OSBPL3: variants seen among roughly 807,000 people sequenced by gnomAD.
The protein encoded by OSBPL3 is oxysterol-binding protein-related protein 3.
Under a neutral mutation model 120.1 loss-of-function variants are expected in OSBPL3, and 65 were observed. The observed-to-expected ratio is 0.54, with a 90% confidence interval of 0.44 to 0.67. The LOEUF is 0.67. Ranked by LOEUF, OSBPL3 falls within the 30% of genes least tolerant of loss-of-function variation. The probability of loss-of-function intolerance (pLI) is 0.00; values close to 1 mark genes in which losing one functional copy is unlikely to be tolerated. For missense variants in OSBPL3, 1,004 were observed against 1,082.1 expected (o/e 0.93, Z 1.01); for synonymous variants, 416 against 402.6 (o/e 1.03, Z -0.40).
At chr7:24,978,734 C>T (rs1380500861) in intron 1 of OSBPL3, among the ~76,000 whole-genome samples, 1 of 152,158 alleles carries the variant, frequency 6.6e-6, no homozygotes, top group Admixed American at 6.5e-5. Context: ...TTCTAAATGC[C>T]CTCATCCCAA....
At chr7:24,816,359 G>A (rs1794461545) in intron 18 of OSBPL3, among the ~76,000 whole-genome samples, 1 of 152,144 alleles carries the variant, frequency 6.6e-6, no homozygotes, top group African/African-American at 2.4e-5. Context: ...GTTAGGAAGT[G>A]GAAATGAGTT....
intron 13 of OSBPL3, among the ~76,000 whole-genome samples, chr7:24,841,432 C>T (rs181606184): frequency 2.4e-4 from 36 of 151,786 alleles, no homozygotes; most frequent in Admixed American, 2.0e-3. Flanking sequence ...TTAACCTGTA[C>T]TTGAAAAGAA....
rs1028649834 is a variant in OSBPL3 at position 24,799,955 on chromosome 7, T to A, written c.*228A>T. The A allele has an allele frequency of 8.5e-6, 2 of 234,436 alleles. No homozygotes were observed. Among genetic ancestry groups the A allele is most frequent in the African/African-American group, 4.5e-5 (2 of 44,306 alleles). The allele number at this position is 234,436 out of a possible 1,614,324, so 14.5% of individuals were successfully genotyped here. ...TTTCATTTTTATTAAATAGTTTATA[T>A]ATAAAAAGAAATGTCAAGGTGTTCT... On this transcript the variant is annotated 3_prime_UTR_variant, in exon 23 of 23. Transcript: ENST00000313367. This position sits in a 1 kb window ranked among gnomAD's most constrained non-coding sequence, Gnocchi z 5.3.
In OSBPL3 at chr7:24,863,371, C is replaced by T; in HGVS notation, c.778-79G>A. 7.2e-7 allele frequency: 1 copy of T among 1,384,760 alleles called. No individual in the cohort carries two copies. The highest frequency in any genetic ancestry group is 1.7e-5 in the Admixed American group (1 of 59,652). The allele number at this position is 1,384,760 out of a possible 1,614,324, so 85.8% of individuals were successfully genotyped here. On this transcript the variant is annotated intron_variant, in intron 8 of 22. Coordinates refer to ENST00000313367, the MANE Select transcript of OSBPL3 (RefSeq NM_015550.4). This position sits in a 1 kb window ranked among gnomAD's most constrained non-coding sequence, Gnocchi z 5.8. ...AAGGATAAATGCATAGCAAAGTGAC[C>T]ACCTCCATCCCCTTGACTTTGGCTG...
intron 1 of OSBPL3, among the ~76,000 whole-genome samples, chr7:24,902,352 AAACTT>A (rs1242210834): frequency 3.3e-5 from 5 of 152,194 alleles, no homozygotes; most frequent in African/African-American, 1.2e-4. Context: ...GGGTTTTTTT[AAACTT>A]AACTTCTTTC....
In OSBPL3 at chr7:24,862,849, G is replaced by T. The variant is rs1359959565; in HGVS notation, c.870+351C>A. ...CGGAAGACACAGGTCACAGCACACA[G>T]CAACTGCAGCCACAAAACAAGGCAC... On this transcript the variant is annotated intron_variant, in intron 9 of 22. Coordinates refer to ENST00000313367, the MANE Select transcript of OSBPL3 (RefSeq NM_015550.4). The surrounding 1 kb of genome is among the most constrained non-coding windows in gnomAD (Gnocchi z 4.4). 6.6e-6 allele frequency among the ~76,000 whole-genome samples: 1 copy of T among 152,120 alleles called. No homozygotes were observed. Among genetic ancestry groups the T allele is most frequent in the East Asian group, 1.9e-4 (1 of 5,176 alleles).
intron 16 of OSBPL3, among the ~76,000 whole-genome samples, chr7:24,829,918 A>G (rs1441880486): frequency 1.3e-5 from 2 of 152,208 alleles, no homozygotes; most frequent in African/African-American, 4.8e-5. Context: ...TATAACATGT[A>G]TCTTCATGTC....
In OSBPL3 at chr7:24,959,856, A is replaced by T. The variant is rs1298967552; in HGVS notation, c.-150+20030T>A. ...TTGACCAAAGAGCCTACCACTGAAA[A>T]CCGAACTTGAACAAAAAAGAATTTT... On this transcript the variant is annotated intron_variant, in intron 1 of 22. Coordinates refer to ENST00000313367, the MANE Select transcript of OSBPL3 (RefSeq NM_015550.4). The surrounding 1 kb of genome is among the most constrained non-coding windows in gnomAD (Gnocchi z 4.3). Among the ~76,000 whole-genome samples the T allele has an allele frequency of 6.6e-6, 1 of 152,146 alleles. No individual in the cohort carries two copies. The highest frequency in any genetic ancestry group is 2.4e-5 in the African/African-American group (1 of 41,452).
intron 1 of OSBPL3, among the ~76,000 whole-genome samples, chr7:24,902,849 A>G (rs1807267098): frequency 6.6e-6 from 1 of 152,088 alleles, no homozygotes; most frequent in African/African-American, 2.4e-5. Flanking sequence ...CAGAGGGTCA[A>G]ATTGATGGCT....
At position 24,972,828 on chromosome 7, in the gene OSBPL3, G is replaced by C. The variant is rs1456455258; in HGVS notation, c.-150+7058C>G. ...GTCCACCACAAATTACTTGGGGAGGGAGAAATATTTGTTTTATAAGATGTA... is the reference window on the plus strand; with the variant it reads ...GTCCACCACAAATTACTTGGGGAGGCAGAAATATTTGTTTTATAAGATGTA... On this transcript the variant is annotated intron_variant, in intron 1 of 22. Coordinates refer to ENST00000313367, the MANE Select transcript of OSBPL3 (RefSeq NM_015550.4). The surrounding 1 kb of genome is among the most constrained non-coding windows in gnomAD (Gnocchi z 4.3). Among the ~76,000 whole-genome samples, 1 of 152,100 alleles carries C rather than the reference G, an allele frequency of 6.6e-6. No individual in the cohort carries two copies. Among genetic ancestry groups the C allele is most frequent in the African/African-American group, 2.4e-5 (1 of 41,412 alleles).
At chr7:24,920,969 T>C (rs980281094) in intron 1 of OSBPL3, among the ~76,000 whole-genome samples, 11 of 152,322 alleles carry the variant, frequency 7.2e-5, no homozygotes, top group East Asian at 5.8e-4. Context: ...TATCCAGTAA[T>C]GAACCTGGGG....
At position 24,800,123 on chromosome 7, in the gene OSBPL3, G is replaced by T; in HGVS notation, c.*60C>A. The T allele has an allele frequency of 1.1e-6, 1 of 911,182 alleles. No homozygotes were observed. The highest frequency in any genetic ancestry group is 1.8e-6 in the Non-Finnish European group (1 of 547,004). The allele number at this position is 911,182 out of a possible 1,614,324, so 56.4% of individuals were successfully genotyped here. ...TTTAAATATATAAACACAGGTTTGT[G>T]CCACTTCAGAAGGCAAGCACAGGAG... On this transcript the variant is annotated 3_prime_UTR_variant, in exon 23 of 23. Transcript: ENST00000313367.
intron 1 of OSBPL3, among the ~76,000 whole-genome samples, chr7:24,893,417 TG>T (rs780695191): frequency 6.6e-6 from 1 of 152,192 alleles, no homozygotes; most frequent in Non-Finnish European, 1.5e-5. Context: ...TATCCAGAGT[TG>T]GCAAATCCAT....
chr7:24,867,024 A>T lies in OSBPL3; in HGVS notation c.382-787T>A, dbSNP rs949131994. On this transcript the variant is annotated intron_variant, in intron 5 of 22. Coordinates refer to ENST00000313367, the MANE Select transcript of OSBPL3 (RefSeq NM_015550.4). The surrounding 1 kb of genome is among the most constrained non-coding windows in gnomAD (Gnocchi z 4.5). ...ACCATGTTGGCCAGGCTGGTCTCGA[A>T]CTCCTGACCTGGTGATCTGCCCGCC... 2.0e-5 allele frequency among the ~76,000 whole-genome samples: 3 copies of T among 151,974 alleles called. No individual in the cohort carries two copies. The highest frequency in any genetic ancestry group is 4.4e-5 in the Non-Finnish European group (3 of 67,970).
In OSBPL3 at chr7:24,972,337, T is replaced by G. The variant is rs1318849757; in HGVS notation, c.-150+7549A>C. On this transcript the variant is annotated intron_variant, in intron 1 of 22. Transcript: ENST00000313367. This position sits in a 1 kb window ranked among gnomAD's most constrained non-coding sequence, Gnocchi z 4.3. ...TGCTCATCTCATCCTCCTTTGAGGA[T>G]TCCCCAGCCACATTCTCTTTTCTCT... Among the ~76,000 whole-genome samples the G allele has an allele frequency of 6.6e-6, 1 of 152,182 alleles. No individual in the cohort carries two copies. Among genetic ancestry groups the G allele is most frequent in the Non-Finnish European group, 1.5e-5 (1 of 68,026 alleles).
At position 24,852,757 on chromosome 7, in the gene OSBPL3, G is replaced by C; in HGVS notation, c.1028-123C>G. ...AACAGCCCTGAATATTTTGAGTATA[G>C]CAAATGTACATTCTACCTTGACTTT... is the stretch of plus-strand genomic sequence containing the variant. On this transcript the variant is annotated intron_variant, in intron 10 of 22. Transcript: ENST00000313367. This position sits in a 1 kb window ranked among gnomAD's most constrained non-coding sequence, Gnocchi z 4.1. The C allele has an allele frequency of 1.6e-6, 1 of 637,980 alleles. No individual in the cohort carries two copies. The highest frequency in any genetic ancestry group is 2.5e-6 in the Non-Finnish European group (1 of 395,250). 39.5% of individuals were successfully genotyped at this position (637,980 alleles called of 1,614,324 possible).
chr7:24,806,662 C>CT lies in OSBPL3; in HGVS notation c.2444+113dup. The CT allele has an allele frequency of 1.1e-6, 1 of 931,926 alleles. No homozygotes were observed. Among genetic ancestry groups the CT allele is most frequent in the Non-Finnish European group, 1.6e-6 (1 of 620,034 alleles). 57.7% of individuals were successfully genotyped at this position (931,926 alleles called of 1,614,324 possible). On this transcript the variant is annotated intron_variant, in intron 21 of 22. Transcript: ENST00000313367. The surrounding 1 kb of genome is among the most constrained non-coding windows in gnomAD (Gnocchi z 5.2). Reference sequence around the variant, plus strand: ...TTAAAGCATCCCCACCTCTCAATTCCTGATGACATTTTCCACCTTTCTCAG... The same window carrying CT: ...TTAAAGCATCCCCACCTCTCAATTCCTTGATGACATTTTCCACCTTTCTCAG...
rs766792402 is a variant in OSBPL3 at position 24,815,091 on chromosome 7, C to T, written c.2140G>A (p.Asp714Asn). Residue 714 changes from aspartate to asparagine, a missense_variant, in exon 19 of 23, where the codon GAT (aspartate) becomes AAT (asparagine). Asp to Asn is a conservative substitution (Grantham distance 23). Coordinates refer to ENST00000313367, the MANE Select transcript of OSBPL3 (RefSeq NM_015550.4). The surrounding 1 kb of genome is among the most constrained non-coding windows in gnomAD (Gnocchi z 5.1). Reference sequence around the variant, plus strand: ...AAATTCACTTTGCAGTAGCAGGAATCATCATGCAGGTTCTTGATGACAATC... The same window carrying T: ...AAATTCACTTTGCAGTAGCAGGAATTATCATGCAGGTTCTTGATGACAATC... ...GEIVIKNLHD[D>N]SCYCKVNFIK... 9 of 1,613,666 alleles carry T rather than the reference C, an allele frequency of 5.6e-6. No homozygotes were observed. In the Admixed American group the frequency reaches 1.5e-4, roughly 27 times the overall value.
chr7:24,923,362 C>A (rs1810639546), intron 1 of OSBPL3, among the ~76,000 whole-genome samples: 1 of 152,170 alleles, frequency 6.6e-6, no homozygotes, highest in South Asian at 2.1e-4. Context: ...CTGGAGTAAC[C>A]CCAACAAAGG....
Sources: gnomAD v4.1 joint callset for allele counts (sites outside exome capture counted in the v4.1 genomes callset) on GRCh38, gnomAD v4.1.1 for gene constraint, Gnocchi (gnomAD v3.1) non-coding constraint, MANE v1.5 for transcripts, NCBI Gene and HGNC (gene_info 2026-07-23, HGNC 2026-07-21) for gene names.